Variants in DACH2 observed in about 807,000 individuals in gnomAD.
The protein encoded by DACH2 is dachshund family transcription factor 2, also known as dachshund homolog 2.
Under a neutral mutation model 35.8 loss-of-function variants are expected in DACH2, and 17 were observed. The ratio of observed to expected loss-of-function variants is 0.48; its 90% CI spans 0.33 to 0.71. The LOEUF is 0.71. Ranked by LOEUF, DACH2 falls within the 30% of genes least tolerant of loss-of-function variation. The pLI, the probability that DACH2 is intolerant of heterozygous loss-of-function variation, is 0.02. For synonymous variants in DACH2, 195 were observed against 177.3 expected (o/e 1.10, Z -0.79); for missense variants, 469 against 472.7 (o/e 0.99, Z 0.07).
chrX:86,564,455 ACACT>A (rs917889333), intron 3 of DACH2, among the ~76,000 whole-genome samples: 2 of 102,557 alleles, frequency 2.0e-5, no homozygotes, highest in African/African-American at 7.8e-5. Flanking sequence ...AGACCTAATA[ACACT>A]TGCAAGTGCA....
At chrX:86,177,356 A>C (rs1161706961) in intron 1 of DACH2, among the ~76,000 whole-genome samples, 6 of 112,055 alleles carry the variant, frequency 5.4e-5, no homozygotes, top group African/African-American at 1.6e-4. Flanking sequence ...TTTCTGAGTC[A>C]TTCATTATTA....
In DACH2 at chrX:86,633,572, A is replaced by G. The variant is rs1210770058; in HGVS notation, c.641-17464A>G. ...AATCCTCCTAAAACTCTTTCAAAGT[A>G]TCTAAAATGAAGGAATAATCCCTAA... is the stretch of plus-strand genomic sequence containing the variant. On this transcript the variant is annotated intron_variant, in intron 3 of 11. Transcript: ENST00000373125. Among the ~76,000 whole-genome samples, 6 of 111,986 alleles carry G rather than the reference A, an allele frequency of 5.4e-5. No individual in the cohort carries two copies. The East Asian group carries it at 1.7e-3, about 31-fold the overall frequency.
intron 7 of DACH2, among the ~76,000 whole-genome samples, chrX:86,805,743 C>A (rs1477990687): frequency 9.0e-6 from 1 of 111,526 alleles, no homozygotes; most frequent in Non-Finnish European, 1.9e-5. Flanking sequence ...CTGGCAAATA[C>A]CCTAAATCCT....
intron 2 of DACH2, among the ~76,000 whole-genome samples, chrX:86,497,741 C>A (rs1446505584): frequency 3.6e-5 from 4 of 112,024 alleles, no homozygotes; most frequent in African/African-American, 1.3e-4. Flanking sequence ...TGTCTGTAAT[C>A]TCAGCACTTT....
chrX:86,266,986 A>G (rs1209434046), intron 1 of DACH2, among the ~76,000 whole-genome samples: 1 of 111,976 alleles, frequency 8.9e-6, no homozygotes, highest in Non-Finnish European at 1.9e-5. Context: ...TACTTTTGAA[A>G]TTATATTTTC....
intron 11 of DACH2, among the ~76,000 whole-genome samples, chrX:86,827,379 A>G (rs182104172): frequency 2.7e-5 from 3 of 111,327 alleles, no homozygotes; most frequent in African/African-American, 9.8e-5. Context: ...ATTTTGCTGC[A>G]GGTTGTAAAG....
At chrX:86,757,085 A>AT (rs1263616484) in intron 7 of DACH2, among the ~76,000 whole-genome samples, 1 of 111,351 alleles carries the variant, frequency 9.0e-6, no homozygotes, top group Non-Finnish European at 1.9e-5. Context: ...TTGATCATGT[A>AT]TTTTTTGATT....
intron 1 of DACH2, among the ~76,000 whole-genome samples, chrX:86,189,132 T>C (rs1377842619): frequency 8.9e-6 from 1 of 112,384 alleles, no homozygotes; most frequent in Non-Finnish European, 1.9e-5. Flanking sequence ...TATAAAATGC[T>C]TGAATTTGTC....
At chrX:86,549,651 CT>C (rs965144008) in intron 3 of DACH2, among the ~76,000 whole-genome samples, 1 of 109,927 alleles carries the variant, frequency 9.1e-6, no homozygotes, top group African/African-American at 3.3e-5. Flanking sequence ...GTTCTGAAGA[CT>C]TTTTGTACCT....
intron 1 of DACH2, among the ~76,000 whole-genome samples, chrX:86,251,466 T>G (rs1321743263): frequency 2.7e-5 from 3 of 110,713 alleles, no homozygotes; most frequent in East Asian, 2.8e-4. Context: ...GAACCCAGTT[T>G]GTAGTATTTT....
intron 3 of DACH2, among the ~76,000 whole-genome samples, chrX:86,629,438 T>G (rs903644440): frequency 9.0e-6 from 1 of 111,104 alleles, no homozygotes; most frequent in African/African-American, 3.3e-5. Context: ...TAGGGCAGAG[T>G]GCAACTTACT....
chrX:86,790,133 T>C (rs1342237417), intron 7 of DACH2, among the ~76,000 whole-genome samples: 2 of 111,885 alleles, frequency 1.8e-5, no homozygotes, highest in Non-Finnish European at 3.8e-5. Flanking sequence ...ACACAGAGAT[T>C]TGTCATTAAA....
At chrX:86,167,989 G>A (rs899256439) in intron 1 of DACH2, among the ~76,000 whole-genome samples, 1 of 111,638 alleles carries the variant, frequency 9.0e-6, no homozygotes, top group Non-Finnish European at 1.9e-5. Context: ...TGATCCATGT[G>A]CTGAGGAAAA....
intron 1 of DACH2, among the ~76,000 whole-genome samples, chrX:86,329,425 C>T (rs765373736): frequency 1.8e-5 from 2 of 111,340 alleles, no homozygotes; most frequent in Non-Finnish European, 3.8e-5. Context: ...CTTCCCTGCT[C>T]CCCTCCCTTT....
chrX:86,552,157 CTCTT>C (rs2039058318), intron 3 of DACH2, among the ~76,000 whole-genome samples: 1 of 111,391 alleles, frequency 9.0e-6, no homozygotes, highest in South Asian at 3.7e-4. Context: ...TTATTACTGA[CTCTT>C]TCTCTTTTTT....
At chrX:86,661,804 C>G (rs1033452513) in intron 4 of DACH2, among the ~76,000 whole-genome samples, 1 of 112,043 alleles carries the variant, frequency 8.9e-6, no homozygotes, top group African/African-American at 3.2e-5. Context: ...TACATATTCA[C>G]AGATTGGTTT....
chrX:86,401,072 G>A (rs1322717779), intron 2 of DACH2, among the ~76,000 whole-genome samples: 3 of 112,161 alleles, frequency 2.7e-5, no homozygotes, highest in Admixed American at 1.9e-4. Context: ...TCAAGCCTGG[G>A]CAATGGCAGG....
intron 4 of DACH2, among the ~76,000 whole-genome samples, chrX:86,692,249 G>T (rs964569285): frequency 5.4e-5 from 6 of 110,958 alleles, no homozygotes; most frequent in Non-Finnish European, 9.4e-5. Flanking sequence ...TAAGTTCTAG[G>T]GTACATGTGC....
intron 1 of DACH2, among the ~76,000 whole-genome samples, chrX:86,202,144 A>ATAC (rs2032172535): frequency 8.9e-6 from 1 of 111,808 alleles, no homozygotes; most frequent in African/African-American, 3.2e-5. Context: ...TACTGGTAAC[A>ATAC]TACTAGGCTG....
Sources: gnomAD v4.1 joint callset for allele counts (sites outside exome capture counted in the v4.1 genomes callset) on GRCh38, gnomAD v4.1.1 for gene constraint, MANE v1.5 for transcripts, NCBI Gene and HGNC (gene_info 2026-07-23, HGNC 2026-07-21) for gene names.